Variants in MARK2 observed in about 807,000 individuals in gnomAD.
MARK2 encodes microtubule affinity regulating kinase 2, also known as serine/threonine-protein kinase MARK2.
A neutral mutation model predicts 89.8 loss-of-function variants in MARK2; 16 were observed. The observed-to-expected ratio is 0.18, with a 90% CI of 0.12 to 0.27. The LOEUF (loss-of-function observed/expected upper bound fraction) is 0.27. Among genes scored for constraint, MARK2 ranks in the 10% least tolerant of loss-of-function variants. MARK2 has a pLI of 1.00. For missense variants in MARK2, 621 were observed against 1,049.9 expected (o/e 0.59, Z 5.65); for synonymous variants, 382 against 399.5 (o/e 0.96, Z 0.52).
At chr11:63,898,522 G>T in intron 4 of MARK2, 86 bp from the exon 5 acceptor site, 1 of 1,114,716 alleles carries the variant, frequency 9.0e-7, no homozygotes. Context: ...GGAGACTTTC[G>T]TTCCTAGGAT....
Position 63,902,971 on chromosome 11 carries a change from C to T in MARK2, c.1417-90C>T. 2 of 1,214,776 alleles carry T rather than the reference C, an allele frequency of 1.6e-6. No individual in the cohort carries two copies. The highest frequency in any genetic ancestry group is 2.4e-6 in the Non-Finnish European group (2 of 822,652). 75.2% of individuals were successfully genotyped at this position (1,214,776 alleles called of 1,614,324 possible). ...CACTGTCTGCTTCAGGTGGAAGGGA[C>T]AGGAAGCCTGTTCCATGAACCTGGG... is the stretch of plus-strand genomic sequence containing the variant. On this transcript the variant is annotated intron_variant, in intron 13 of 18. Transcript: ENST00000402010. This position sits in a 1 kb window ranked among gnomAD's most constrained non-coding sequence, Gnocchi z 4.2.
chr11:63,897,723 T>C (rs752536031), intron 3 of MARK2, among the ~76,000 whole-genome samples: 1 of 152,210 alleles, frequency 6.6e-6, no homozygotes, highest in Non-Finnish European at 1.5e-5. Flanking sequence ...GAGTGGCTTC[T>C]TCTGTCACCA....
chr11:63,848,508 A>G (rs2016390774), intron 1 of MARK2, among the ~76,000 whole-genome samples: 1 of 149,886 alleles, frequency 6.7e-6, no homozygotes, highest in Admixed American at 6.6e-5. Context: ...TTAGCCTCCC[A>G]AGTAGCTGGT....
chr11:63,843,247 C>T (rs1384616716), intron 1 of MARK2, among the ~76,000 whole-genome samples: 2 of 152,220 alleles, frequency 1.3e-5, no homozygotes, highest in Admixed American at 1.3e-4. Flanking sequence ...GACTGTTTGT[C>T]TTCCAGCCAG....
chr11:63,871,639 A>C (rs1938461100), intron 1 of MARK2, among the ~76,000 whole-genome samples: 1 of 140,358 alleles, frequency 7.1e-6, no homozygotes, highest in Admixed American at 7.0e-5. Context: ...GTGGGTGAAG[A>C]GTATTCACTG....
chr11:63,873,899 G>A (rs1437058686), intron 1 of MARK2, among the ~76,000 whole-genome samples: 1 of 152,190 alleles, frequency 6.6e-6, no homozygotes, highest in Non-Finnish European at 1.5e-5. Context: ...CGCCTGCCTC[G>A]GCCTCCCGAG....
chr11:63,847,490 C>T (rs910557656), intron 1 of MARK2, among the ~76,000 whole-genome samples: 8 of 152,160 alleles, frequency 5.3e-5, no homozygotes, highest in Non-Finnish European at 7.3e-5. Context: ...CCAGGGGCTT[C>T]TCTGTAGAAC....
At chr11:63,842,746 C>G (rs1475553101) in intron 1 of MARK2, among the ~76,000 whole-genome samples, 1 of 151,996 alleles carries the variant, frequency 6.6e-6, no homozygotes, top group South Asian at 2.1e-4. Context: ...CCTAAAGGTC[C>G]TCTGTCACCT....
chr11:63,900,194 G>A lies in MARK2; in HGVS notation c.768+84G>A. ...CCCTGACCTCCTGCCTTTGCCACCT[G>A]TCTACATTTGTCCCAAGCCAAAGCT... On this transcript the variant is annotated intron_variant, in intron 8 of 18. Coordinates refer to ENST00000402010, the MANE Select transcript of MARK2 (RefSeq NM_001039469.3). This position sits in a 1 kb window ranked among gnomAD's most constrained non-coding sequence, Gnocchi z 4.7. 2.9e-6 allele frequency: 3 copies of A among 1,027,088 alleles called. No homozygotes were observed. Among genetic ancestry groups the A allele is most frequent in the Non-Finnish European group, 4.5e-6 (3 of 666,466 alleles). 63.6% of individuals were successfully genotyped at this position (1,027,088 alleles called of 1,614,324 possible). A position where few individuals can be genotyped will look rare whatever the true frequency, so the allele number is the denominator to read the frequency against.
At chr11:63,875,819 G>A (rs1180581982) in intron 1 of MARK2, among the ~76,000 whole-genome samples, 1 of 152,212 alleles carries the variant, frequency 6.6e-6, no homozygotes, top group Non-Finnish European at 1.5e-5. Flanking sequence ...ACACACTCAG[G>A]AGCTGGAAGT....
intron 1 of MARK2, among the ~76,000 whole-genome samples, chr11:63,859,854 A>G (rs1220138938): frequency 6.6e-6 from 1 of 151,986 alleles, no homozygotes; most frequent in East Asian, 1.9e-4. Context: ...CTGGTCTTCA[A>G]CTCTTGACCT....
chr11:63,880,348 G>A (rs571955884), intron 1 of MARK2: 2 of 152,240 alleles, frequency 1.3e-5, no homozygotes, highest in East Asian at 3.9e-4. Flanking sequence ...CAGGACAGGA[G>A]GCAGGTGTGT....
At chr11:63,854,186 C>CTGTGTGTGTGTGTG (rs55689743) in intron 1 of MARK2, among the ~76,000 whole-genome samples, 40 of 141,668 alleles carry the variant, frequency 2.8e-4, no homozygotes, top group African/African-American at 1.0e-3. Context: ...ACTATTAATT[C>CTGTGTGTGTGTGTG]TGTGTGTGTG....
chr11:63,868,955 G>A (rs1565110496), intron 1 of MARK2: 5 of 442,916 alleles, frequency 1.1e-5, no homozygotes, highest in South Asian at 6.3e-5. Flanking sequence ...CAGATCAGTC[G>A]CTTTTCCTGA....
chr11:63,883,192 A>C (rs547883445), intron 1 of MARK2, among the ~76,000 whole-genome samples: 1 of 152,232 alleles, frequency 6.6e-6, no homozygotes, highest in East Asian at 1.9e-4. Flanking sequence ...TAAGGAACTG[A>C]TGAAGAAGGG....
At position 63,903,896 on chromosome 11, in the gene MARK2, C is replaced by A; in HGVS notation, c.1515-90C>A. On this transcript the variant is annotated intron_variant, in intron 14 of 18. Coordinates refer to ENST00000402010, the MANE Select transcript of MARK2 (RefSeq NM_001039469.3). This position sits in a 1 kb window ranked among gnomAD's most constrained non-coding sequence, Gnocchi z 5.1. The stretch of plus-strand genomic sequence containing the variant: ...TCTACCCTGCCAGAGCTCCCCAGCT[C>A]TGGCCCTTCCCCTGCCCTTGCTTCC... 1 of 1,152,942 alleles carries A rather than the reference C, an allele frequency of 8.7e-7. No individual in the cohort carries two copies. The highest frequency in any genetic ancestry group is 1.2e-6 in the Non-Finnish European group (1 of 816,768). 71.4% of individuals were successfully genotyped at this position (1,152,942 alleles called of 1,614,324 possible). A position where few individuals can be genotyped will look rare whatever the true frequency, so the allele number is the denominator to read the frequency against.
intron 1 of MARK2, among the ~76,000 whole-genome samples, chr11:63,841,437 G>A (rs1442792422): frequency 6.6e-6 from 1 of 152,156 alleles, no homozygotes; most frequent in Non-Finnish European, 1.5e-5. Flanking sequence ...GTTCTGCATG[G>A]GACAGGGGTC....
chr11:63,885,777 TGAGCC>T (rs1212586252), intron 1 of MARK2, among the ~76,000 whole-genome samples: 1 of 150,826 alleles, frequency 6.6e-6, no homozygotes, highest in African/African-American at 2.4e-5. Flanking sequence ...GAGGTTGCAG[TGAGCC>T]GAGATCGCAC....
At chr11:63,888,681 C>T in intron 1 of MARK2, 1 of 1,184,356 alleles carries the variant, frequency 8.4e-7, no homozygotes, top group South Asian at 1.6e-5. Flanking sequence ...TGTTGCTCTC[C>T]TTGCCAAACC....
Sources: gnomAD v4.1 joint callset for allele counts (sites outside exome capture counted in the v4.1 genomes callset) on GRCh38, gnomAD v4.1.1 for gene constraint, Gnocchi (gnomAD v3.1) non-coding constraint, MANE v1.5 for transcripts, NCBI Gene and HGNC (gene_info 2026-07-23, HGNC 2026-07-21) for gene names.